DENND1A: variants seen among roughly 807,000 people sequenced by gnomAD.
The protein encoded by DENND1A is DENN domain containing 1A, also known as DENN domain-containing protein 1A.
Under a neutral mutation model 113.7 loss-of-function variants are expected in DENND1A, and 51 were observed. The ratio of observed to expected loss-of-function variants is 0.45; its 90% CI spans 0.36 to 0.57. DENND1A has a LOEUF of 0.57. Among genes scored for constraint, DENND1A ranks in the 20% least tolerant of loss-of-function variants. The pLI is 0.00. For missense variants in DENND1A, 1,258 were observed against 1,395.9 expected (o/e 0.90, Z 1.57); for synonymous variants, 565 against 570.8 (o/e 0.99, Z 0.14).
Position 123,634,214 on chromosome 9 carries a change from C to A in DENND1A, c.619-3738G>T, listed in dbSNP as rs138402012. Among the ~76,000 whole-genome samples, 168 of 152,270 alleles carry A rather than the reference C, an allele frequency of 1.1e-3. 3 individuals carry two copies. The East Asian group carries it at 0.027, about 24-fold the overall frequency. Reference sequence around the variant, plus strand: ...ATGCCAAGATTTTAAAATTACTTATCCTTCACAAAAAAACAAAAAATCAAG... The same window carrying A: ...ATGCCAAGATTTTAAAATTACTTATACTTCACAAAAAAACAAAAAATCAAG... On this transcript the variant is annotated intron_variant, in intron 9 of 23. Coordinates refer to ENST00000394215, the MANE Select transcript of DENND1A (RefSeq NM_001352964.2).
chr9:123,809,129 C>G (rs10513422), intron 2 of DENND1A, among the ~76,000 whole-genome samples: 6 of 152,152 alleles, frequency 3.9e-5, no homozygotes, highest in African/African-American at 9.7e-5. Flanking sequence ...AGGAACGGCA[C>G]GATGGTTTCT....
chr9:123,790,371 T>C (rs1832818397), intron 3 of DENND1A, among the ~76,000 whole-genome samples: 1 of 151,522 alleles, frequency 6.6e-6, no homozygotes, highest in Admixed American at 6.6e-5. Context: ...TAATCATTTC[T>C]TGGGTTATAG....
At chr9:123,762,807 G>A (rs376576898) in intron 4 of DENND1A, among the ~76,000 whole-genome samples, 36 of 152,344 alleles carry the variant, frequency 2.4e-4, no homozygotes, top group African/African-American at 7.9e-4. Flanking sequence ...GTGGTCAGAG[G>A]TAGCTTCTCA....
chr9:123,652,772 G>GA (rs888598075), intron 8 of DENND1A, among the ~76,000 whole-genome samples: 1 of 151,846 alleles, frequency 6.6e-6, no homozygotes, highest in Non-Finnish European at 1.5e-5. Context: ...CTCAAAAGGG[G>GA]AAAAAAAATT....
At chr9:123,423,670 C>T (rs750472788) in intron 19 of DENND1A, among the ~76,000 whole-genome samples, 5 of 152,164 alleles carry the variant, frequency 3.3e-5, no homozygotes, top group Non-Finnish European at 7.3e-5. Context: ...TGCACACGCT[C>T]ATGTATGGGA....
intron 11 of DENND1A, among the ~76,000 whole-genome samples, chr9:123,595,518 T>C (rs2059644391): frequency 6.6e-6 from 1 of 152,038 alleles, no homozygotes; most frequent in Non-Finnish European, 1.5e-5. Flanking sequence ...AAGGGCACAG[T>C]AGTATGCAGC....
chr9:123,608,479 G>A (rs761057121), intron 11 of DENND1A, among the ~76,000 whole-genome samples: 1 of 152,070 alleles, frequency 6.6e-6, no homozygotes, highest in East Asian at 1.9e-4. Flanking sequence ...CCCTCCCCAC[G>A]CCTCATTTTG....
intron 13 of DENND1A, among the ~76,000 whole-genome samples, chr9:123,484,729 T>C (rs1651393016): frequency 6.6e-6 from 1 of 152,198 alleles, no homozygotes; most frequent in Admixed American, 6.5e-5. Flanking sequence ...GTTACTCACA[T>C]AGTCCTGTTT....
intron 13 of DENND1A, among the ~76,000 whole-genome samples, chr9:123,545,657 C>T (rs576884396): frequency 8.5e-5 from 13 of 152,056 alleles, no homozygotes; most frequent in South Asian, 2.1e-4. Flanking sequence ...TTAGTAGAGA[C>T]GGGGTTTCAC....
At chr9:123,731,095 G>C (rs2068134379) in intron 5 of DENND1A, among the ~76,000 whole-genome samples, 2 of 152,064 alleles carry the variant, frequency 1.3e-5, no homozygotes, top group Non-Finnish European at 2.9e-5. Flanking sequence ...TCACACACCG[G>C]GGTCTGTTGT....
chr9:123,415,019 C>T (rs542125227), intron 19 of DENND1A, among the ~76,000 whole-genome samples: 2 of 152,262 alleles, frequency 1.3e-5, no homozygotes, highest in African/African-American at 4.8e-5. Context: ...TTTGCTTGTC[C>T]TCGGGAAGTG....
At chr9:123,789,744 GTCA>G (rs1369126196) in intron 3 of DENND1A, among the ~76,000 whole-genome samples, 1 of 152,126 alleles carries the variant, frequency 6.6e-6, no homozygotes, top group African/African-American at 2.4e-5. Context: ...CAAAAGGCTG[GTCA>G]TCATTATTCA....
intron 5 of DENND1A, among the ~76,000 whole-genome samples, chr9:123,705,857 A>G (rs1483472170): frequency 1.3e-5 from 2 of 152,222 alleles, no homozygotes; most frequent in East Asian, 1.9e-4. Flanking sequence ...AGAACATCCA[A>G]GAAGAAAAGA....
intron 6 of DENND1A, among the ~76,000 whole-genome samples, chr9:123,676,243 C>G (rs1345738324): frequency 6.6e-6 from 1 of 152,148 alleles, no homozygotes; most frequent in Non-Finnish European, 1.5e-5. Flanking sequence ...ACAAAAGTTA[C>G]TGTAAAAGCA....
intron 2 of DENND1A, among the ~76,000 whole-genome samples, chr9:123,825,198 G>C (rs937729644): frequency 2.0e-5 from 3 of 151,644 alleles, no homozygotes; most frequent in Non-Finnish European, 4.4e-5. Context: ...CAGTTCTCTA[G>C]ATTTTTTATA....
intron 9 of DENND1A, among the ~76,000 whole-genome samples, chr9:123,642,920 T>C (rs1490573073): frequency 6.6e-6 from 1 of 152,172 alleles, no homozygotes; most frequent in East Asian, 1.9e-4. Context: ...CAAGGTGGCG[T>C]TCGTCAGGAA....
chr9:123,653,603 GA>G (rs2062776896), intron 8 of DENND1A, among the ~76,000 whole-genome samples: 2 of 152,172 alleles, frequency 1.3e-5, no homozygotes, highest in Admixed American at 6.5e-5. Flanking sequence ...TGTGTAATTT[GA>G]CAAAGGTCAC....
intron 13 of DENND1A, among the ~76,000 whole-genome samples, chr9:123,524,957 A>G (rs1207214231): frequency 2.0e-5 from 3 of 152,190 alleles, no homozygotes; most frequent in Non-Finnish European, 4.4e-5. Flanking sequence ...CATTTTAATA[A>G]CTGAAAAATG....
chr9:123,909,742 A>T (rs1853621361), intron 1 of DENND1A, among the ~76,000 whole-genome samples: 1 of 152,198 alleles, frequency 6.6e-6, no homozygotes, highest in Non-Finnish European at 1.5e-5. Flanking sequence ...AAAACTAGGA[A>T]GTAAAATTGT....
Sources: gnomAD v4.1 joint callset for allele counts (sites outside exome capture counted in the v4.1 genomes callset) on GRCh38, gnomAD v4.1.1 for gene constraint, MANE v1.5 for transcripts, NCBI Gene and HGNC (gene_info 2026-07-23, HGNC 2026-07-21) for gene names.